LDLRAD4: variants seen among roughly 807,000 people sequenced by gnomAD.
LDLRAD4 encodes the protein low density lipoprotein receptor class A domain containing 4.
Under a neutral mutation model 17.0 loss-of-function variants are expected in LDLRAD4, and 5 were observed. That is an observed-to-expected ratio of 0.29 (90% CI 0.15 to 0.62). The LOEUF is 0.62. Ranked by LOEUF, LDLRAD4 falls within the 20% of genes least tolerant of loss-of-function variation. LDLRAD4 has a pLI of 0.84. For missense variants in LDLRAD4, 340 were observed against 424.7 expected (o/e 0.80, Z 1.75); for synonymous variants, 168 against 171.8 (o/e 0.98, Z 0.17).
intron 3 of LDLRAD4, among the ~76,000 whole-genome samples, chr18:13,460,853 A>G (rs1431491782): frequency 6.6e-6 from 1 of 152,254 alleles, no homozygotes; most frequent in Non-Finnish European, 1.5e-5. Flanking sequence ...CAAAATAAAA[A>G]TAAAATTGTT....
intron 3 of LDLRAD4, among the ~76,000 whole-genome samples, chr18:13,495,734 G>T (rs1211372096): frequency 2.6e-5 from 4 of 152,066 alleles, no homozygotes; most frequent in African/African-American, 9.7e-5. Context: ...GTAGGGCCCA[G>T]CCCTGTCTTT....
chr18:13,487,389 A>G (rs1009658238), intron 3 of LDLRAD4: 8 of 152,292 alleles, frequency 5.3e-5, no homozygotes, highest in African/African-American at 1.7e-4. Flanking sequence ...CGGCAGGGCC[A>G]TGTGGCCAGA....
chr18:13,318,825 G>T (rs1014555783), intron 1 of LDLRAD4, among the ~76,000 whole-genome samples: 32 of 152,198 alleles, frequency 2.1e-4, no homozygotes, highest in Non-Finnish European at 8.8e-5. Flanking sequence ...GTGGGTGTGT[G>T]TGGGCAGTGC....
chr18:13,527,034 A>T (rs1188726931), intron 3 of LDLRAD4, among the ~76,000 whole-genome samples: 1 of 152,128 alleles, frequency 6.6e-6, no homozygotes, highest in Non-Finnish European at 1.5e-5. Context: ...GATGAAAAGC[A>T]CCCCTGTCAT....
At chr18:13,644,959 C>T (rs1380958485) in intron 5 of LDLRAD4, 168 bp from the exon 7 acceptor site, 1 of 637,140 alleles carries the variant, frequency 1.6e-6, no homozygotes, top group Non-Finnish European at 2.7e-6. Context: ...CAGAAAAGTA[C>T]ACTTTTTTTT....
intron 3 of LDLRAD4, among the ~76,000 whole-genome samples, chr18:13,481,361 T>C (rs2093078009): frequency 6.6e-6 from 1 of 152,206 alleles, no homozygotes; most frequent in African/African-American, 2.4e-5. Flanking sequence ...TGTGGATGGC[T>C]TCCTCTGGAC....
intron 1 of LDLRAD4, 81 bp downstream of exon 1, chr18:13,219,069 CT>C (rs5823242): frequency 0.21 from 28,266 of 137,130 alleles, 2,847 homozygotes; most frequent in Admixed American, 0.27. Flanking sequence ...CTTGTTTAAA[CT>C]TTTTTTTTTT....
At chr18:13,387,123 C>A (rs1230053999) in intron 1 of LDLRAD4, among the ~76,000 whole-genome samples, 1 of 152,194 alleles carries the variant, frequency 6.6e-6, no homozygotes, top group Non-Finnish European at 1.5e-5. Flanking sequence ...TCTGTGAGGG[C>A]AGAATGGCCC....
chr18:13,461,261 T>G (rs2092417338), intron 3 of LDLRAD4: 1 of 152,408 alleles, frequency 6.6e-6, no homozygotes, highest in African/African-American at 2.4e-5. Context: ...GGAGGACCGA[T>G]AGCCTTGGGG....
At chr18:13,309,983 G>A (rs1195107167) in intron 1 of LDLRAD4, among the ~76,000 whole-genome samples, 1 of 152,090 alleles carries the variant, frequency 6.6e-6, no homozygotes, top group Admixed American at 6.6e-5. Flanking sequence ...AGAGCTGTGC[G>A]GGCAGCCTCG....
intron 1 of LDLRAD4, among the ~76,000 whole-genome samples, chr18:13,386,420 T>C (rs1045344578): frequency 6.6e-6 from 1 of 152,018 alleles, no homozygotes; most frequent in Non-Finnish European, 1.5e-5. Context: ...CCAGGCTGGA[T>C]TGCAATGGCG....
chr18:13,250,677 A>C (rs572618296), intron 1 of LDLRAD4, among the ~76,000 whole-genome samples: 1 of 152,290 alleles, frequency 6.6e-6, no homozygotes, highest in African/African-American at 2.4e-5. Context: ...ACCAAGATTG[A>C]GCCAAGAAGA....
chr18:13,497,841 C>T (rs1032806684), intron 3 of LDLRAD4, among the ~76,000 whole-genome samples: 5 of 152,122 alleles, frequency 3.3e-5, no homozygotes, highest in African/African-American at 9.7e-5. Flanking sequence ...TTCCCACACA[C>T]GTCCCGCCGT....
chr18:13,242,326 T>C (rs1489308176), intron 1 of LDLRAD4, among the ~76,000 whole-genome samples: 4 of 152,242 alleles, frequency 2.6e-5, no homozygotes, highest in African/African-American at 9.6e-5. Flanking sequence ...GTTAAGATTT[T>C]AGGAAGCTCT....
intron 4 of LDLRAD4, among the ~76,000 whole-genome samples, chr18:13,625,756 C>A (rs1390185309): frequency 4.2e-5 from 5 of 119,566 alleles, no homozygotes; most frequent in Non-Finnish European, 8.9e-5. Flanking sequence ...GCCCTCCTCC[C>A]CCTGCCACCA....
intron 1 of LDLRAD4, among the ~76,000 whole-genome samples, chr18:13,231,580 G>A (rs966448324): frequency 2.0e-5 from 3 of 152,144 alleles, no homozygotes; most frequent in South Asian, 2.1e-4. Context: ...GCTCTGTCTC[G>A]ACCACAGTGC....
intron 3 of LDLRAD4, among the ~76,000 whole-genome samples, chr18:13,479,156 CAT>C (rs1461700099): frequency 6.6e-6 from 1 of 152,098 alleles, no homozygotes; most frequent in Admixed American, 6.5e-5. Flanking sequence ...AAATATGAGA[CAT>C]AAAACTTAAA....
chr18:13,584,321 G>A (rs976828242), intron 3 of LDLRAD4, among the ~76,000 whole-genome samples: 6 of 152,180 alleles, frequency 3.9e-5, no homozygotes, highest in Admixed American at 2.0e-4. Flanking sequence ...ACTCAGATGA[G>A]TGGCCACCTC....
chr18:13,364,798 C>T (rs745726137), intron 1 of LDLRAD4, among the ~76,000 whole-genome samples: 11 of 152,180 alleles, frequency 7.2e-5, no homozygotes, highest in Non-Finnish European at 1.6e-4. Flanking sequence ...AGAAGTCTTT[C>T]AGTAGTTCCT....
Sources: gnomAD v4.1 joint callset for allele counts (sites outside exome capture counted in the v4.1 genomes callset) on GRCh38, gnomAD v4.1.1 for gene constraint, MANE v1.5 for transcripts, NCBI Gene and HGNC (gene_info 2026-07-23, HGNC 2026-07-21) for gene names.